KIAA0825: variants seen among roughly 807,000 people sequenced by gnomAD.
KIAA0825 encodes KIAA0825.
In KIAA0825, 119 loss-of-function variants were observed where a neutral mutation model predicts 147.6. The observed-to-expected ratio is 0.81, with a 90% CI of 0.69 to 0.94. The LOEUF (loss-of-function observed/expected upper bound fraction) is 0.94, where lower values mean the gene tolerates loss of function less well. Ranked by LOEUF, KIAA0825 falls within the 40% of genes least tolerant of loss-of-function variation. The probability of loss-of-function intolerance (pLI) is 0.00; values close to 1 mark genes in which losing one functional copy is unlikely to be tolerated. For synonymous variants in KIAA0825, 470 were observed against 518.1 expected (o/e 0.91, Z 1.26); for missense variants, 1,381 against 1,472.7 (o/e 0.94, Z 1.02).
intron 17 of KIAA0825, among the ~76,000 whole-genome samples, chr5:94,392,396 T>A (rs1750014097): frequency 6.6e-6 from 1 of 152,214 alleles, no homozygotes; most frequent in Admixed American, 6.5e-5. Context: ...TCTAAAACAT[T>A]TCTTTTAGAA....
intron 1 of KIAA0825, among the ~76,000 whole-genome samples, chr5:94,617,056 AAAT>A (rs1790712406): frequency 6.6e-6 from 1 of 152,192 alleles, no homozygotes; most frequent in Non-Finnish European, 1.5e-5. Flanking sequence ...TGCAAAATAG[AAAT>A]AATACAATTT....
At chr5:94,593,890 T>C in intron 1 of KIAA0825, 1 of 405,594 alleles carries the variant, frequency 2.5e-6, no homozygotes, top group Non-Finnish European at 5.0e-6. Flanking sequence ...TGCTCCCTTC[T>C]CCTCATTTGG....
chr5:94,368,421 C>T (rs557830131), intron 20 of KIAA0825, among the ~76,000 whole-genome samples: 118 of 152,276 alleles, frequency 7.7e-4, no homozygotes, highest in Non-Finnish European at 1.2e-3. Context: ...GATCCACCCA[C>T]CCTGGACCTC....
intron 20 of KIAA0825, among the ~76,000 whole-genome samples, chr5:94,239,681 A>G (rs1198875936): frequency 1.3e-5 from 2 of 152,218 alleles, no homozygotes; most frequent in African/African-American, 2.4e-5. Context: ...CTCAAGGCAT[A>G]TCAATATGAA....
rs1766784019 is a variant in KIAA0825, at chr5:94,153,810, T to G, written c.*197A>C. On this transcript the variant is annotated 3_prime_UTR_variant, in exon 21 of 21. Coordinates refer to ENST00000682413, the MANE Select transcript of KIAA0825 (RefSeq NM_001145678.3). ...AGAAAGATTGGGGAAAGAAAAACAT[T>G]TGAAATTATTTTTAAAATAAAAAAA... The G allele has an allele frequency of 2.4e-6, 1 of 417,442 alleles. No homozygotes were observed. The highest frequency in any genetic ancestry group is 7.9e-5 in the South Asian group (1 of 12,584). 25.9% of individuals were successfully genotyped at this position (417,442 alleles called of 1,614,324 possible). A position where few individuals can be genotyped will look rare whatever the true frequency, so the allele number is the denominator to read the frequency against.
At chr5:94,291,535 G>A (rs1269777568) in intron 20 of KIAA0825, among the ~76,000 whole-genome samples, 1 of 152,194 alleles carries the variant, frequency 6.6e-6, no homozygotes, top group Non-Finnish European at 1.5e-5. Context: ...ATAGTTTGAA[G>A]TCAGGTAGTG....
intron 3 of KIAA0825, among the ~76,000 whole-genome samples, chr5:94,531,019 CAAT>C (rs1452622412): frequency 6.6e-6 from 1 of 152,066 alleles, no homozygotes; most frequent in East Asian, 1.9e-4. Flanking sequence ...AAAGATAATA[CAAT>C]AATATCATTT....
At chr5:94,536,652 C>T (rs1476117860) in intron 3 of KIAA0825, among the ~76,000 whole-genome samples, 3 of 152,170 alleles carry the variant, frequency 2.0e-5, no homozygotes, top group African/African-American at 7.2e-5. Flanking sequence ...TTTTAATGTT[C>T]TGTTTTTAGT....
Position 94,152,880 on chromosome 5 carries a change from AT to A in KIAA0825, c.*1126del, listed in dbSNP as rs1562284194. On this transcript the variant is annotated 3_prime_UTR_variant, in exon 21 of 21. Coordinates refer to ENST00000682413, the MANE Select transcript of KIAA0825 (RefSeq NM_001145678.3). ...ATTATATATATATATATATATATAT[AT>A]ATATATATATATATATATATATGGT... The A allele has an allele frequency of 3.2e-4, 22 of 67,800 alleles. 2 individuals are homozygous for A. Among genetic ancestry groups the A allele is most frequent in the East Asian group, 1.4e-3 (3 of 2,158 alleles). The allele number at this position is 67,800 out of a possible 1,614,324, so 4.2% of individuals were successfully genotyped here.
intron 2 of KIAA0825, among the ~76,000 whole-genome samples, chr5:94,538,430 G>A (rs1333331492): frequency 1.3e-5 from 2 of 152,202 alleles, no homozygotes; most frequent in African/African-American, 4.8e-5. Flanking sequence ...CTTAAATGTG[G>A]TTAAGAGCTC....
At chr5:94,195,194 C>G (rs1771021167) in intron 20 of KIAA0825, among the ~76,000 whole-genome samples, 1 of 152,136 alleles carries the variant, frequency 6.6e-6, no homozygotes, top group African/African-American at 2.4e-5. Flanking sequence ...TTTGATTTCC[C>G]TATGAAGGAA....
intron 2 of KIAA0825, 107 bp from the exon 3 acceptor site, chr5:94,537,234 A>T (rs1772222406): frequency 1.4e-6 from 1 of 723,952 alleles, no homozygotes; most frequent in African/African-American, 1.8e-5. Context: ...CAAAAATAGT[A>T]ATTCCTATTT....
At chr5:94,209,580 T>C (rs1388452689) in intron 20 of KIAA0825, among the ~76,000 whole-genome samples, 1 of 152,214 alleles carries the variant, frequency 6.6e-6, no homozygotes, top group East Asian at 1.9e-4. Flanking sequence ...TTTATGCTGC[T>C]TTTACTAATT....
At chr5:94,536,774 T>C (rs1772110291) in intron 3 of KIAA0825, among the ~76,000 whole-genome samples, 1 of 152,196 alleles carries the variant, frequency 6.6e-6, no homozygotes, top group Non-Finnish European at 1.5e-5. Flanking sequence ...TTTAATTGCC[T>C]ATTTCAAGAT....
intron 20 of KIAA0825, among the ~76,000 whole-genome samples, chr5:94,354,090 C>G (rs919662950): frequency 1.3e-5 from 2 of 152,142 alleles, no homozygotes; most frequent in Non-Finnish European, 2.9e-5. Context: ...GATCTTTCAA[C>G]TGTTTTCAAA....
At chr5:94,527,671 A>AAAG (rs776987449) in intron 3 of KIAA0825, among the ~76,000 whole-genome samples, 20 of 152,096 alleles carry the variant, frequency 1.3e-4, no homozygotes, top group Non-Finnish European at 2.6e-4. Flanking sequence ...AACTTAAGGA[A>AAAG]AAGACAAGTC....
chr5:94,199,451 C>G (rs899607487), intron 20 of KIAA0825, among the ~76,000 whole-genome samples: 7 of 152,120 alleles, frequency 4.6e-5, no homozygotes, highest in African/African-American at 1.7e-4. Flanking sequence ...GACAAAAACA[C>G]CCCAATGAGG....
At chr5:94,334,612 A>C (rs1002743650) in intron 20 of KIAA0825, among the ~76,000 whole-genome samples, 1 of 152,188 alleles carries the variant, frequency 6.6e-6, no homozygotes, top group African/African-American at 2.4e-5. Flanking sequence ...CCTCCTGAGT[A>C]GCTAGGACTA....
intron 7 of KIAA0825, among the ~76,000 whole-genome samples, chr5:94,475,480 T>C (rs1037420220): frequency 1.3e-5 from 2 of 152,144 alleles, no homozygotes; most frequent in East Asian, 1.9e-4. Flanking sequence ...TTTTCAAATA[T>C]AGAAAAACAA....
Sources: gnomAD v4.1 joint callset for allele counts (sites outside exome capture counted in the v4.1 genomes callset) on GRCh38, gnomAD v4.1.1 for gene constraint, MANE v1.5 for transcripts, NCBI Gene and HGNC (gene_info 2026-07-23, HGNC 2026-07-21) for gene names.